The following GCC2 variants were observed in gnomAD, a reference collection of about 807,000 sequenced individuals.
GCC2 encodes the protein GRIP and coiled-coil domain containing 2, also known as GRIP and coiled-coil domain-containing protein 2.
A neutral mutation model predicts 210.6 loss-of-function variants in GCC2; 120 were observed. The ratio of observed to expected loss-of-function variants is 0.57; its 90% confidence interval spans 0.49 to 0.66. GCC2 has a LOEUF of 0.66. GCC2 is among the 30% of genes least tolerant of loss of function. The pLI is 0.00. For missense variants in GCC2, 1,868 were observed against 1,871.9 expected (o/e 1.00, Z 0.04); for synonymous variants, 703 against 652.7 (o/e 1.08, Z -1.17).
At chr2:108,464,491 C>A (rs556055914) in intron 4 of GCC2, among the ~76,000 whole-genome samples, 1 of 152,290 alleles carries the variant, frequency 6.6e-6, no homozygotes, top group South Asian at 2.1e-4. Flanking sequence ...TCAGGAAACT[C>A]CCTTTGTGAG....
intron 9 of GCC2, 90 bp from the exon 10 acceptor site, chr2:108,481,607 G>T: frequency 1.1e-6 from 1 of 877,292 alleles, no homozygotes; most frequent in South Asian, 2.0e-5. Flanking sequence ...ATCCAGAATG[G>T]ACTCATGAAT....
At position 108,502,739 on chromosome 2, in the gene GCC2, A is replaced by T. The variant is rs529653998; in HGVS notation, c.4984+2985A>T. On this transcript the variant is annotated intron_variant, in intron 22 of 22. Transcript: ENST00000309863. ...GGAGTTCTAGACCAGCCTGGCCAAC[A>T]TGGTGAAACCCCGTCTCTACTCAGA... Among the ~76,000 whole-genome samples, 4 of 152,204 alleles carry T rather than the reference A, an allele frequency of 2.6e-5. No homozygotes were observed. In the East Asian group the frequency reaches 7.7e-4, roughly 29 times the overall value.
intron 2 of GCC2, chr2:108,450,019 G>A: frequency 3.9e-6 from 1 of 253,656 alleles, no homozygotes; most frequent in East Asian, 8.0e-5. Flanking sequence ...ATTCTGATCT[G>A]TGGGCTCCAG....
intron 21 of GCC2, among the ~76,000 whole-genome samples, chr2:108,498,959 G>C (rs879715400): frequency 6.7e-6 from 1 of 149,562 alleles, no homozygotes; most frequent in Admixed American, 6.7e-5. Flanking sequence ...CCAACCCATG[G>C]CTCCAGTTAG....
rs371268799 is a variant in GCC2, at chr2:108,495,146, C to A, written c.4448-145C>A. 1.7e-5 allele frequency: 9 copies of A among 522,164 alleles called. No individual in the cohort carries two copies. The African/African-American group carries it at 1.8e-4, about 10-fold the overall frequency. 32.3% of individuals were successfully genotyped at this position (522,164 alleles called of 1,614,324 possible). On this transcript the variant is annotated intron_variant, in intron 19 of 22. Transcript: ENST00000309863. ...AATTTTAAGAAATGCTTTAGCAATT[C>A]TTCATACACCTTTCACTTATCTTAT...
At chr2:108,473,811 G>C (rs2577619) in intron 7 of GCC2, among the ~76,000 whole-genome samples, 33,940 of 151,866 alleles carry the variant, frequency 0.22, 4,197 homozygotes, top group African/African-American at 0.32. Context: ...GAGTTAAGGG[G>C]AGAGAGCTAA....
At chr2:108,462,596 T>C (rs1680659072) in intron 4 of GCC2, 1 of 133,142 alleles carries the variant, frequency 7.5e-6, no homozygotes, top group Admixed American at 7.6e-5. Context: ...AGAGTCTTGC[T>C]CTGTCGCCCA....
At chr2:108,459,097 G>A (rs1680421994) in intron 4 of GCC2, among the ~76,000 whole-genome samples, 2 of 152,006 alleles carry the variant, frequency 1.3e-5, no homozygotes, top group Admixed American at 1.3e-4. Flanking sequence ...TATCACACAG[G>A]TTTTGTGATA....
rs1195740677 is a variant in GCC2 at position 108,507,979 on chromosome 2, T to A, written c.*349T>A. ...GAAGTTAAACTAAATTTTGGTACCA[T>A]ACCAACTGGAATTTAGGCTTTAAAA... On this transcript the variant is annotated 3_prime_UTR_variant, in exon 23 of 23. Coordinates refer to ENST00000309863, the MANE Select transcript of GCC2 (RefSeq NM_181453.4). 1 of 175,348 alleles carries A rather than the reference T, an allele frequency of 5.7e-6. No homozygotes were observed. Among genetic ancestry groups the A allele is most frequent in the African/African-American group, 2.4e-5 (1 of 41,296 alleles). The allele number at this position is 175,348 out of a possible 1,614,324, so 10.9% of individuals were successfully genotyped here. A position where few individuals can be genotyped will look rare whatever the true frequency, so the allele number is the denominator to read the frequency against.
chr2:108,485,631 G>A lies in GCC2; in HGVS notation c.3614-5G>A, dbSNP rs749432214. 24 of 1,428,232 alleles carry A rather than the reference G, an allele frequency of 1.7e-5. No homozygotes were observed. The East Asian group carries it at 4.7e-4, about 28-fold the overall frequency. 88.5% of individuals were successfully genotyped at this position (1,428,232 alleles called of 1,614,324 possible). A position where few individuals can be genotyped will look rare whatever the true frequency, so the allele number is the denominator to read the frequency against. On this transcript the variant is annotated splice_region_variant and splice_polypyrimidine_tract_variant and intron_variant, in intron 13 of 22. Transcript: ENST00000309863. ...TTTTTCTGCTGAAATTATTTCTTGTGCTAGCTTCATTACAGTCTTCAGTAC... is the reference window on the plus strand; with the variant it reads ...TTTTTCTGCTGAAATTATTTCTTGTACTAGCTTCATTACAGTCTTCAGTAC...
At chr2:108,458,582 T>A (rs1411272206) in intron 4 of GCC2, among the ~76,000 whole-genome samples, 1 of 152,014 alleles carries the variant, frequency 6.6e-6, no homozygotes, top group Non-Finnish European at 1.5e-5. Flanking sequence ...GACTTTTTAT[T>A]ACTGATTCGT....
chr2:108,493,481 A>C (rs1474425966), intron 19 of GCC2: 20 of 987,450 alleles, frequency 2.0e-5, no homozygotes, highest in Middle Eastern at 5.2e-4. Context: ...GAAACATTAG[A>C]TAGAGCAAGG....
At chr2:108,484,083 GA>G (rs200217107) in intron 12 of GCC2, 65 bp from the exon 13 acceptor site, 951 of 1,043,254 alleles carry the variant, frequency 9.1e-4, no homozygotes, top group South Asian at 1.4e-3. Context: ...TTTTACAAAT[GA>G]AAAAAAAAAT....
rs202106307 is a variant in GCC2 at position 108,486,502 on chromosome 2, T to G, written c.3793-9T>G. 1 of 1,613,712 alleles carries G rather than the reference T, an allele frequency of 6.2e-7. No individual in the cohort carries two copies. The highest frequency in any genetic ancestry group is 8.5e-7 in the Non-Finnish European group (1 of 1,179,870). On this transcript the variant is annotated splice_polypyrimidine_tract_variant and intron_variant, in intron 15 of 22. Transcript: ENST00000309863. ...TTTGCTAAAGCTAAATTTAAAGATT[T>G]ACCCCCAGATACAGCTGGCTGAAAT...
chr2:108,451,119 G>A lies in GCC2; in HGVS notation c.148+7G>A. 2 of 1,546,982 alleles carry A rather than the reference G, an allele frequency of 1.3e-6. No homozygotes were observed. Among genetic ancestry groups the A allele is most frequent in the Admixed American group, 1.7e-5 (1 of 58,566 alleles). On this transcript the variant is annotated splice_region_variant and intron_variant, in intron 3 of 22. Transcript: ENST00000309863. ...GCTAAATCAAGGTGTACAGGTATTG[G>A]GTTGAAAATACTCATCTTGATCACA... is the stretch of plus-strand genomic sequence containing the variant.
At chr2:108,502,791 C>G (rs1682986405) in intron 22 of GCC2, among the ~76,000 whole-genome samples, 1 of 151,876 alleles carries the variant, frequency 6.6e-6, no homozygotes, top group Admixed American at 6.6e-5. Flanking sequence ...GGCGTGGTGG[C>G]ACATGCCTGT....
intron 5 of GCC2, 96 bp downstream of exon 5, chr2:108,469,180 A>AG (rs1681056940): frequency 1.7e-6 from 1 of 587,218 alleles, no homozygotes; most frequent in Non-Finnish European, 2.9e-6. Context: ...TAATCTGATT[A>AG]ATATTTTATA....
rs869045091 is a variant in GCC2 at position 108,494,375 on chromosome 2, G to GA, written c.4448-904dup. 269 of 138,880 alleles carry GA rather than the reference G, an allele frequency of 1.9e-3. 1 individual carries two copies. Among genetic ancestry groups the GA allele is most frequent in the Middle Eastern group, 0.011 (3 of 274 alleles). The allele number at this position is 138,880 out of a possible 1,614,324, so 8.6% of individuals were successfully genotyped here. A position where few individuals can be genotyped will look rare whatever the true frequency, so the allele number is the denominator to read the frequency against. On this transcript the variant is annotated intron_variant, in intron 19 of 22. Coordinates refer to ENST00000309863, the MANE Select transcript of GCC2 (RefSeq NM_181453.4). ...TGTGACAGAGTGAGACCCTGTCTCA[G>GA]AAAAAAAAAAAACACTATACAGTTT...
At chr2:108,458,059 T>G (rs1680362562) in intron 4 of GCC2, among the ~76,000 whole-genome samples, 1 of 152,244 alleles carries the variant, frequency 6.6e-6, no homozygotes, top group Non-Finnish European at 1.5e-5. Flanking sequence ...TGTGAGTTTG[T>G]CATATGTGGC....
Sources: gnomAD v4.1 joint callset for allele counts (sites outside exome capture counted in the v4.1 genomes callset) on GRCh38, gnomAD v4.1.1 for gene constraint, MANE v1.5 for transcripts, NCBI Gene and HGNC (gene_info 2026-07-23, HGNC 2026-07-21) for gene names.